Variants in RALA observed in about 807,000 individuals in gnomAD.
RALA encodes ras-related protein Ral-A.
RALA carries 5 observed loss-of-function variants against 24.0 expected under a neutral mutation model. The ratio of observed to expected loss-of-function variants is 0.21; its 90% CI spans 0.11 to 0.44. The LOEUF (loss-of-function observed/expected upper bound fraction) is 0.44, where lower values mean the gene tolerates loss of function less well. Among genes scored for constraint, RALA ranks in the 20% least tolerant of loss-of-function variants. The probability of loss-of-function intolerance (pLI) is 0.99; values close to 1 mark genes in which losing one functional copy is unlikely to be tolerated. For synonymous variants in RALA, 77 were observed against 83.8 expected, an observed-to-expected ratio of 0.92 and a Z score of 0.44; for missense variants, 95 against 241.2, an observed-to-expected ratio of 0.39 and a Z score of 4.01.
chr7:39,656,025 A>C (rs1262230715), intron 1 of RALA, among the ~76,000 whole-genome samples: 1 of 152,242 alleles, frequency 6.6e-6, no homozygotes. Context: ...TTACATAAAA[A>C]GGCAGGCAGT....
chr7:39,631,886 G>A (rs905967990), intron 1 of RALA, among the ~76,000 whole-genome samples: 1 of 152,128 alleles, frequency 6.6e-6, no homozygotes, highest in African/African-American at 2.4e-5. Context: ...TTTGGCTTAC[G>A]GTTCTGCAGG....
At chr7:39,628,902 A>G (rs1396354895) in intron 1 of RALA, among the ~76,000 whole-genome samples, 1 of 152,238 alleles carries the variant, frequency 6.6e-6, no homozygotes, top group Non-Finnish European at 1.5e-5. Flanking sequence ...ATAAGTATGT[A>G]TCTCCTAACA....
chr7:39,696,334 T>C (rs1241241685), intron 3 of RALA, among the ~76,000 whole-genome samples: 2 of 152,306 alleles, frequency 1.3e-5, no homozygotes, highest in East Asian at 3.9e-4. Context: ...AGAGACATTG[T>C]ACAAACTGCC....
chr7:39,637,650 G>A (rs73381129), intron 1 of RALA, among the ~76,000 whole-genome samples: 14,183 of 152,224 alleles, frequency 0.093, 717 homozygotes, highest in African/African-American at 0.12. Flanking sequence ...CTTTCTAAAT[G>A]CACAGATAAC....
At chr7:39,656,868 T>A (rs1205294683) in intron 1 of RALA, among the ~76,000 whole-genome samples, 1 of 152,242 alleles carries the variant, frequency 6.6e-6, no homozygotes, top group Non-Finnish European at 1.5e-5. Context: ...TTTCCAGTGA[T>A]GTCACATCTG....
Position 39,690,459 on chromosome 7 carries a change from C to G in RALA, c.192C>G (p.Ile64Met), listed in dbSNP as rs925401675. 1.2e-6 allele frequency: 2 copies of G among 1,613,846 alleles called. No individual in the cohort carries two copies. Among genetic ancestry groups the G allele is most frequent in the East Asian group, 2.2e-5 (1 of 44,886 alleles). Reference protein sequence around the residue: ...KVVLDGEEVQIDILDTAGQED... With the variant: ...KVVLDGEEVQMDILDTAGQED... ...TGCTAGATGGGGAGGAAGTCCAGATCGATATCTTAGATACAGCTGGGCAGG... is the reference window on the plus strand; with the variant it reads ...TGCTAGATGGGGAGGAAGTCCAGATGGATATCTTAGATACAGCTGGGCAGG... The change falls in exon 3 of 5, where the codon ATC (isoleucine) becomes ATG (methionine). Residue 64 changes from isoleucine (I) to methionine (M), a missense_variant. Physicochemically the swap from Ile to Met is conservative, Grantham distance 10. Coordinates refer to ENST00000005257, the MANE Select transcript of RALA (RefSeq NM_005402.4).
chr7:39,648,873 A>G (rs762810173), intron 1 of RALA, among the ~76,000 whole-genome samples: 4 of 152,156 alleles, frequency 2.6e-5, no homozygotes, highest in Non-Finnish European at 5.9e-5. Flanking sequence ...AGTAGAGGCA[A>G]TAAGTCAAAA....
chr7:39,690,690 ACTCTGT>A (rs1792800572), intron 3 of RALA, 100 bp downstream of exon 3: 2 of 897,602 alleles, frequency 2.2e-6, no homozygotes, highest in Non-Finnish European at 3.4e-6. Context: ...TTAGTCTTTT[ACTCTGT>A]CTCTAATTGT....
intron 1 of RALA, among the ~76,000 whole-genome samples, chr7:39,627,238 C>T (rs1034544669): frequency 6.6e-6 from 1 of 152,044 alleles, no homozygotes; most frequent in African/African-American, 2.4e-5. Context: ...AATTAAAGTT[C>T]TATGGGTTTC....
At position 39,690,237 on chromosome 7, in the gene RALA, G is replaced by T. The variant is rs1007149987; in HGVS notation, c.115-145G>T. ...ATTGTCTAAAATTAAAATTAGTGTA[G>T]TTTTTACCATTGGAGGAATCTGGGC... On this transcript the variant is annotated intron_variant, in intron 2 of 4. Transcript: ENST00000005257. 9 of 631,196 alleles carry T rather than the reference G, an allele frequency of 1.4e-5. No homozygotes were observed. The African/African-American group carries it at 1.5e-4, about 10-fold the overall frequency. 39.1% of individuals were successfully genotyped at this position (631,196 alleles called of 1,614,324 possible).
chr7:39,666,238 G>C (rs1792285285), intron 1 of RALA, among the ~76,000 whole-genome samples: 1 of 152,064 alleles, frequency 6.6e-6, no homozygotes, highest in African/African-American at 2.4e-5. Context: ...GGGTGTCAGG[G>C]CCACAAAGGT....
intron 1 of RALA, among the ~76,000 whole-genome samples, chr7:39,625,222 A>G (rs150644701): frequency 6.6e-5 from 10 of 152,308 alleles, no homozygotes; most frequent in African/African-American, 2.2e-4. Context: ...CCACTTACAG[A>G]CTTTACTTCG....
chr7:39,693,944 G>A (rs1792874516), intron 3 of RALA, among the ~76,000 whole-genome samples: 1 of 152,186 alleles, frequency 6.6e-6, no homozygotes, highest in African/African-American at 2.4e-5. Flanking sequence ...CAGGTCCAAA[G>A]AACTTCCTAT....
At chr7:39,642,667 G>A (rs1256553303) in intron 1 of RALA, among the ~76,000 whole-genome samples, 1 of 152,150 alleles carries the variant, frequency 6.6e-6, no homozygotes, top group Admixed American at 6.5e-5. Context: ...ATTTTTGGAT[G>A]TTTATATTTA....
At chr7:39,685,878 A>C (rs895116095) in intron 1 of RALA, among the ~76,000 whole-genome samples, 2 of 152,228 alleles carry the variant, frequency 1.3e-5, no homozygotes, top group African/African-American at 4.8e-5. Context: ...ACACATTAGC[A>C]GTCTTTTTTT....
chr7:39,654,270 A>G (rs531045949), intron 1 of RALA, among the ~76,000 whole-genome samples: 1 of 152,320 alleles, frequency 6.6e-6, no homozygotes, highest in African/African-American at 2.4e-5. Flanking sequence ...AGAAATGGCT[A>G]AAATATGTAT....
intron 1 of RALA, among the ~76,000 whole-genome samples, chr7:39,675,955 G>A (rs947684517): frequency 6.6e-6 from 1 of 151,898 alleles, no homozygotes; most frequent in Non-Finnish European, 1.5e-5. Flanking sequence ...TGATTTGATA[G>A]GGGCAGAACT....
chr7:39,690,245 C>A, intron 2 of RALA, 137 bp from the exon 3 acceptor site: 2 of 647,756 alleles, frequency 3.1e-6, no homozygotes, highest in Non-Finnish European at 5.0e-6. Context: ...TAGTTTTTAC[C>A]ATTGGAGGAA....
chr7:39,685,050 T>C (rs984302855), intron 1 of RALA, among the ~76,000 whole-genome samples: 1 of 151,968 alleles, frequency 6.6e-6, no homozygotes, highest in African/African-American at 2.4e-5. Context: ...GTTTTGCCAT[T>C]GAAAGTAATG....
Sources: gnomAD v4.1 joint callset for allele counts (sites outside exome capture counted in the v4.1 genomes callset) on GRCh38, gnomAD v4.1.1 for gene constraint, MANE v1.5 for transcripts, NCBI Gene and HGNC (gene_info 2026-07-23, HGNC 2026-07-21) for gene names.